The following TBC1D9B variants were observed in gnomAD, a reference collection of about 807,000 sequenced individuals.
The protein encoded by TBC1D9B is TBC1 domain family member 9B, also known as TBC1 domain family, member 9B (with GRAM domain).
TBC1D9B carries 87 observed loss-of-function variants against 121.1 expected under a neutral mutation model. That is an observed-to-expected ratio of 0.72 (90% CI 0.60 to 0.86). The LOEUF is 0.86. Among genes scored for constraint, TBC1D9B ranks in the 40% least tolerant of loss-of-function variants. The pLI, the probability that TBC1D9B is intolerant of heterozygous loss-of-function variation, is 0.00. For missense variants in TBC1D9B, 1,540 were observed against 1,628.6 expected (o/e 0.95, Z 0.94); for synonymous variants, 668 against 670.1 (o/e 1.00, Z 0.05).
chr5:179,905,805 A>C (rs1172077631), intron 1 of TBC1D9B, among the ~76,000 whole-genome samples: 7 of 152,162 alleles, frequency 4.6e-5, no homozygotes, highest in Admixed American at 2.0e-4. Flanking sequence ...ATCTGAAAAT[A>C]TTTTGTTACC....
chr5:179,904,219 CCTT>C lies in TBC1D9B; in HGVS notation c.229+480_229+482del, dbSNP rs1561651278. Among the ~76,000 whole-genome samples, 1 of 79,240 alleles carries C rather than the reference CCTT, an allele frequency of 1.3e-5. No individual in the cohort carries two copies. The highest frequency in any genetic ancestry group is 2.0e-5 in the Non-Finnish European group (1 of 48,858). The allele number at this position is 79,240 out of a possible 152,430, so 52.0% of individuals were successfully genotyped here. On this transcript the variant is annotated intron_variant, in intron 2 of 20. Coordinates refer to ENST00000355235, the MANE Select transcript of TBC1D9B (RefSeq NM_015043.4). The surrounding 1 kb of genome is among the most constrained non-coding windows in gnomAD (Gnocchi z 4.2). ...CCTGTCCCCATGACCAGTGGAGCTG[CCTT>C]TTTTTTTTTTTTTTTTTTTTGAGAC...
Position 179,873,116 on chromosome 5 carries a change from G to T in TBC1D9B, c.2316+3C>A. 1 of 1,610,530 alleles carries T rather than the reference G, an allele frequency of 6.2e-7. No individual in the cohort carries two copies. The highest frequency in any genetic ancestry group is 1.1e-5 in the South Asian group (1 of 90,582). On this transcript the variant is annotated splice_donor_region_variant and intron_variant, in intron 13 of 20. Transcript: ENST00000355235. ...GGCCAAAATGGCCCCACTGGGTGCT[G>T]ACCTCATAGGACACTTTCAGGAGCT...
At position 179,867,997 on chromosome 5, in the gene TBC1D9B, T is replaced by TA. The variant is rs1760073496; in HGVS notation, c.2792-149dup. On this transcript the variant is annotated intron_variant, in intron 17 of 20. Transcript: ENST00000355235. ...ACCTGCCCATGACAGTGCCCGGTAATAGTTTTGATGGTGATGATTGGTTCT... is the reference window on the plus strand; with the variant it reads ...ACCTGCCCATGACAGTGCCCGGTAATAAGTTTTGATGGTGATGATTGGTTCT... 9 of 572,964 alleles carry TA rather than the reference T, an allele frequency of 1.6e-5. No individual in the cohort carries two copies. In the South Asian group the frequency reaches 4.5e-4, roughly 29 times the overall value. 35.5% of individuals were successfully genotyped at this position (572,964 alleles called of 1,614,324 possible).
chr5:179,894,728 A>C (rs17079782), intron 3 of TBC1D9B, 114 bp from the exon 4 acceptor site: 20 of 1,009,192 alleles, frequency 2.0e-5, no homozygotes, highest in Non-Finnish European at 2.6e-5. Flanking sequence ...TAAGGGCTAC[A>C]GGCACAGCTG....
Position 179,875,986 on chromosome 5 carries a change from C to T in TBC1D9B, c.1834G>A (p.Ala612Thr). 1 of 1,612,256 alleles carries T rather than the reference C, an allele frequency of 6.2e-7. No homozygotes were observed. The highest frequency in any genetic ancestry group is 8.5e-7 in the Non-Finnish European group (1 of 1,179,448). Residue 612 changes from alanine (A) to threonine (T), a missense_variant, in exon 11 of 21, where the codon GCC (alanine) becomes ACC (threonine). Transcript: ENST00000355235. This position sits in a 1 kb window ranked among gnomAD's most constrained non-coding sequence, Gnocchi z 4.5. ...VLLLYGSEEE[A>T]FWLLVALCER... ...CACAGGGCCACCAGGAGCCAGAAGGCCTCCTCCTCACTGCCATAGAGCAGG... is the reference window on the plus strand; with the variant it reads ...CACAGGGCCACCAGGAGCCAGAAGGTCTCCTCCTCACTGCCATAGAGCAGG...
chr5:179,888,566 G>A (rs1014260333), intron 6 of TBC1D9B, among the ~76,000 whole-genome samples: 1 of 152,214 alleles, frequency 6.6e-6, no homozygotes, highest in African/African-American at 2.4e-5. Flanking sequence ...TGAGGATGAT[G>A]TAGTGTTCAG....
intron 14 of TBC1D9B, 194 bp from the exon 15 acceptor site, chr5:179,871,724 C>G (rs1760205796): frequency 3.6e-6 from 2 of 559,502 alleles, no homozygotes; most frequent in Admixed American, 2.9e-5. Context: ...ACCTACCACT[C>G]AGCTCACACT....
intron 12 of TBC1D9B, among the ~76,000 whole-genome samples, chr5:179,873,976 C>T (rs568666765): frequency 3.3e-5 from 5 of 152,334 alleles, no homozygotes; most frequent in African/African-American, 1.2e-4. Context: ...CCAAAAGCTA[C>T]TTAGGCCCAC....
chr5:179,865,198 C>T lies in TBC1D9B; in HGVS notation c.3021+56G>A. ...AGTGCAGGTGCGGTGATGTTAGGGC[C>T]CAGTCTTGGTCAGAACTCTCCAGAA... On this transcript the variant is annotated intron_variant, in intron 20 of 20. Transcript: ENST00000355235. This position sits in a 1 kb window ranked among gnomAD's most constrained non-coding sequence, Gnocchi z 5.1. 1 of 1,548,386 alleles carries T rather than the reference C, an allele frequency of 6.5e-7. No individual in the cohort carries two copies.
chr5:179,894,732 A>T, intron 3 of TBC1D9B, 118 bp from the exon 4 acceptor site: 1 of 893,994 alleles, frequency 1.1e-6, no homozygotes, highest in Non-Finnish European at 1.7e-6. Context: ...GGCTACAGGC[A>T]CAGCTGGGAA....
chr5:179,882,404 A>C (rs1024999275), intron 7 of TBC1D9B, among the ~76,000 whole-genome samples: 1 of 152,164 alleles, frequency 6.6e-6, no homozygotes, highest in Non-Finnish European at 1.5e-5. Context: ...AGCTGCTTCC[A>C]TCACTCCTTG....
Position 179,902,555 on chromosome 5 carries a change from GGGGCTACGTACAT to G in TBC1D9B, c.229+2134_229+2146del, listed in dbSNP as rs1761193273. On this transcript the variant is annotated intron_variant, in intron 2 of 20. Transcript: ENST00000355235. The surrounding 1 kb of genome is among the most constrained non-coding windows in gnomAD (Gnocchi z 4.9). ...AGGGGAGAGGTCAAGTGTGTGGCAC[GGGGCTACGTACAT>G]GGGCTCCGCTGCGTGGCTGTGGCTG... Among the ~76,000 whole-genome samples, 1 of 152,158 alleles carries G rather than the reference GGGGCTACGTACAT, an allele frequency of 6.6e-6. No homozygotes were observed. Among genetic ancestry groups the G allele is most frequent in the African/African-American group, 2.4e-5 (1 of 41,432 alleles).
rs963523372 is a variant in TBC1D9B at position 179,863,140 on chromosome 5, A to G, written c.*308T>C. On this transcript the variant is annotated 3_prime_UTR_variant, in exon 21 of 21. Coordinates refer to ENST00000355235, the MANE Select transcript of TBC1D9B (RefSeq NM_015043.4). This position sits in a 1 kb window ranked among gnomAD's most constrained non-coding sequence, Gnocchi z 4.5. ...ACAGAGGTATGAGGCAAGCAAGGGCAGATCTGAGAGCCTGTAATGCTAGGC... is the reference window on the plus strand; with the variant it reads ...ACAGAGGTATGAGGCAAGCAAGGGCGGATCTGAGAGCCTGTAATGCTAGGC... 1.0e-5 allele frequency: 4 copies of G among 395,936 alleles called. No homozygotes were observed. The highest frequency in any genetic ancestry group is 8.1e-5 in the African/African-American group (4 of 49,616). 24.5% of individuals were successfully genotyped at this position (395,936 alleles called of 1,614,324 possible).
Position 179,891,692 on chromosome 5 carries a change from C to T in TBC1D9B, c.837-106G>A. ...CCCAGGCCTGTTTCCACATCAGATT[C>T]AGGATCCCTGGGGTGGTCCCTTGAG... is the stretch of plus-strand genomic sequence containing the variant. On this transcript the variant is annotated intron_variant, in intron 5 of 20. Coordinates refer to ENST00000355235, the MANE Select transcript of TBC1D9B (RefSeq NM_015043.4). This position sits in a 1 kb window ranked among gnomAD's most constrained non-coding sequence, Gnocchi z 4.3. The T allele has an allele frequency of 1.5e-6, 2 of 1,303,120 alleles. No individual in the cohort carries two copies. The highest frequency in any genetic ancestry group is 2.1e-6 in the Non-Finnish European group (2 of 937,854). 80.7% of individuals were successfully genotyped at this position (1,303,120 alleles called of 1,614,324 possible).
Position 179,891,622 on chromosome 5 carries a change from G to A in TBC1D9B, c.837-36C>T, listed in dbSNP as rs1193957235. The A allele has an allele frequency of 4.4e-6, 7 of 1,604,986 alleles. No homozygotes were observed. Among genetic ancestry groups the A allele is most frequent in the Non-Finnish European group, 5.9e-6 (7 of 1,177,098 alleles). ...AAGGTAGGAGGACAGGAGGAAAGGG[G>A]ACAAGGTCAGGACCAGCACACTCTC... is the stretch of plus-strand genomic sequence containing the variant. On this transcript the variant is annotated intron_variant, in intron 5 of 20. Coordinates refer to ENST00000355235, the MANE Select transcript of TBC1D9B (RefSeq NM_015043.4). The surrounding 1 kb of genome is among the most constrained non-coding windows in gnomAD (Gnocchi z 4.3).
At position 179,874,111 on chromosome 5, in the gene TBC1D9B, G is replaced by A. The variant is rs1460315693; in HGVS notation, c.2186+791C>T. 2.6e-5 allele frequency among the ~76,000 whole-genome samples: 4 copies of A among 152,180 alleles called. No individual in the cohort carries two copies. Among genetic ancestry groups the A allele is most frequent in the Admixed American group, 6.5e-5 (1 of 15,284 alleles). On this transcript the variant is annotated intron_variant, in intron 12 of 20. Transcript: ENST00000355235. The surrounding 1 kb of genome is among the most constrained non-coding windows in gnomAD (Gnocchi z 4.3). ...GGGGCATTCCAGTCCGGACAAATAC[G>A]CTATGTAGGAGGGTGGGACTGCACA...
rs1419620511 is a variant in TBC1D9B, at chr5:179,863,991, G to A, written c.3159C>T (p.Ala1053=). 4 of 1,613,760 alleles carry A rather than the reference G, an allele frequency of 2.5e-6. No homozygotes were observed. The highest frequency in any genetic ancestry group is 1.7e-5 in the Admixed American group (1 of 60,002). ...RIGEVGKKFS[A]RTGRKPRDCA... ...AGTCCCTGGGCTTCCTGCCTGTGCG[G>A]GCTGAGAACTTCTTCCCCACCTCTC... The change falls in exon 21 of 21, where the codon GCC becomes GCT. Residue 1053 remains alanine, a synonymous_variant. Coordinates refer to ENST00000355235, the MANE Select transcript of TBC1D9B (RefSeq NM_015043.4). This position sits in a 1 kb window ranked among gnomAD's most constrained non-coding sequence, Gnocchi z 4.5.
intron 6 of TBC1D9B, 78 bp from the exon 7 acceptor site, chr5:179,888,390 G>A: frequency 7.1e-7 from 1 of 1,400,668 alleles, no homozygotes; most frequent in Non-Finnish European, 9.9e-7. Flanking sequence ...ATGGCAGACT[G>A]TCATGCAGCT....
chr5:179,882,106 G>A (rs1475868993), intron 7 of TBC1D9B, among the ~76,000 whole-genome samples: 4 of 151,768 alleles, frequency 2.6e-5, no homozygotes, highest in African/African-American at 7.3e-5. Flanking sequence ...CACCATGCCC[G>A]GCTAATTTTT....
Sources: gnomAD v4.1 joint callset for allele counts (sites outside exome capture counted in the v4.1 genomes callset) on GRCh38, gnomAD v4.1.1 for gene constraint, Gnocchi (gnomAD v3.1) non-coding constraint, MANE v1.5 for transcripts, NCBI Gene and HGNC (gene_info 2026-07-23, HGNC 2026-07-21) for gene names.